ENTREP2: variants seen among roughly 807,000 people sequenced by gnomAD.
The protein encoded by ENTREP2 is endosomal transmembrane epsin interactor 2.
chr15:29,375,340 A>G, the ENTREP2 span: 2 of 152,282 alleles, frequency 1.3e-5, no homozygotes, highest in South Asian at 4.1e-4. Context: ...TTCTCTACCT[A>G]CATGCAAGAG....
At chr15:29,587,138 CGTGT>C in the ENTREP2 span, among the ~76,000 whole-genome samples, 18,363 of 122,656 alleles carry the variant, frequency 0.15, 1,314 homozygotes, top group East Asian at 0.22. Flanking sequence ...TGTAGCTAAC[CGTGT>C]GTGTGTGTGT....
chr15:29,652,001 T>G, the ENTREP2 span, among the ~76,000 whole-genome samples: 1 of 152,164 alleles, frequency 6.6e-6, no homozygotes, highest in Non-Finnish European at 1.5e-5. Context: ...GAGGGGGAAC[T>G]CATGGTGCTT....
chr15:29,304,362 C>A, the ENTREP2 span, among the ~76,000 whole-genome samples: 10 of 152,332 alleles, frequency 6.6e-5, no homozygotes, highest in South Asian at 1.7e-3. Flanking sequence ...GCACATGGCA[C>A]ATACTCTAAA....
chr15:29,643,024 G>A, the ENTREP2 span, among the ~76,000 whole-genome samples: 23 of 152,224 alleles, frequency 1.5e-4, no homozygotes, highest in African/African-American at 5.1e-4. Flanking sequence ...AAGTAAAAAC[G>A]AATTAAAGAC....
chr15:29,259,428 A>AAATT, the ENTREP2 span, among the ~76,000 whole-genome samples: 1 of 151,930 alleles, frequency 6.6e-6, no homozygotes, highest in Non-Finnish European at 1.5e-5. Context: ...CCCCTAAAGT[A>AAATT]CCTGCCTGAG....
At chr15:29,453,311 G>A in the ENTREP2 span, among the ~76,000 whole-genome samples, 2 of 152,208 alleles carry the variant, frequency 1.3e-5, no homozygotes, top group African/African-American at 4.8e-5. Context: ...GCCCTGTCCT[G>A]GAAGTGGCGG....
At chr15:29,358,772 T>C in the ENTREP2 span, among the ~76,000 whole-genome samples, 2 of 151,828 alleles carry the variant, frequency 1.3e-5, no homozygotes, top group South Asian at 2.1e-4. Context: ...AAGACAGAAG[T>C]GCCGAAGAAA....
At chr15:29,390,066 G>T in the ENTREP2 span, among the ~76,000 whole-genome samples, 13 of 152,230 alleles carry the variant, frequency 8.5e-5, no homozygotes, top group South Asian at 2.1e-4. Flanking sequence ...CCAGGTGCTG[G>T]TGTGCCTCCT....
At chr15:29,617,513 A>G in the ENTREP2 span, among the ~76,000 whole-genome samples, 4 of 152,204 alleles carry the variant, frequency 2.6e-5, no homozygotes, top group South Asian at 6.2e-4. Context: ...CCCTTAATCC[A>G]GTCAAGTTGA....
the ENTREP2 span, among the ~76,000 whole-genome samples, chr15:29,341,043 C>T: frequency 6.6e-6 from 1 of 152,214 alleles, no homozygotes; most frequent in Non-Finnish European, 1.5e-5. Flanking sequence ...CTATCACTCC[C>T]GCCTTCCAGT....
At chr15:29,447,624 C>G in the ENTREP2 span, among the ~76,000 whole-genome samples, 1 of 151,376 alleles carries the variant, frequency 6.6e-6, no homozygotes, top group Admixed American at 6.6e-5. Context: ...GCCACTGGGA[C>G]TACAGGTGCA....
chr15:29,251,565 C>T, the ENTREP2 span, among the ~76,000 whole-genome samples: 8 of 152,036 alleles, frequency 5.3e-5, no homozygotes, highest in South Asian at 2.1e-4. Context: ...CATCAGCTGT[C>T]GCTAATATTA....
At chr15:29,472,961 G>T in the ENTREP2 span, among the ~76,000 whole-genome samples, 1 of 152,098 alleles carries the variant, frequency 6.6e-6, no homozygotes, top group African/African-American at 2.4e-5. Flanking sequence ...CCACTGGCTG[G>T]TCAGTACACT....
At chr15:29,660,748 C>T in the ENTREP2 span, among the ~76,000 whole-genome samples, 12 of 152,140 alleles carry the variant, frequency 7.9e-5, no homozygotes, top group African/African-American at 2.9e-4. Context: ...AATTAGAATC[C>T]AATAATTACA....
chr15:29,633,819 C>T, the ENTREP2 span, among the ~76,000 whole-genome samples: 7 of 152,124 alleles, frequency 4.6e-5, no homozygotes, highest in East Asian at 1.9e-4. Flanking sequence ...ATTCACTGGG[C>T]GTGGTGACGG....
chr15:29,479,841 G>A, the ENTREP2 span, among the ~76,000 whole-genome samples: 3 of 152,158 alleles, frequency 2.0e-5, no homozygotes, highest in Non-Finnish European at 4.4e-5. Context: ...AGGATGTGAG[G>A]TCTGGAATTG....
chr15:29,584,443 ATGTG>A, the ENTREP2 span, among the ~76,000 whole-genome samples: 1 of 138,738 alleles, frequency 7.2e-6, no homozygotes, highest in Non-Finnish European at 1.5e-5. Flanking sequence ...GTGTGTGTGC[ATGTG>A]TGTGTGTGTG....
At chr15:29,231,458 T>C in the ENTREP2 span, among the ~76,000 whole-genome samples, 5 of 152,208 alleles carry the variant, frequency 3.3e-5, no homozygotes, top group African/African-American at 1.2e-4. Flanking sequence ...TCATATCCCA[T>C]ATCATATGTA....
chr15:29,577,349 T>TGA, the ENTREP2 span, among the ~76,000 whole-genome samples: 2,558 of 144,380 alleles, frequency 0.018, 90 homozygotes, highest in African/African-American at 0.059. Flanking sequence ...TGTGTGTGTG[T>TGA]GAGAGAGAGA....
Sources: allele counts gnomAD v4.1 joint callset (sites outside exome capture counted in the v4.1 genomes callset), GRCh38; gene constraint gnomAD v4.1.1; transcripts MANE v1.5; gene names NCBI Gene and HGNC (gene_info 2026-07-23, HGNC 2026-07-21).